CACHD1: variants seen among roughly 807,000 people sequenced by gnomAD.
The protein encoded by CACHD1 is cache domain containing 1.
A neutral mutation model predicts 138.7 loss-of-function variants in CACHD1; 71 were observed. That is an observed-to-expected ratio of 0.51 (90% CI 0.42 to 0.62). CACHD1 has a LOEUF of 0.62. CACHD1 is among the 20% of genes least tolerant of loss of function. The probability of loss-of-function intolerance (pLI) is 0.00; values close to 1 mark genes in which losing one functional copy is unlikely to be tolerated. For missense variants in CACHD1, 1,389 were observed against 1,625.3 expected (o/e 0.85, Z 2.50); for synonymous variants, 578 against 591.5 (o/e 0.98, Z 0.33).
intron 1 of CACHD1, among the ~76,000 whole-genome samples, chr1:64,504,138 C>T (rs2100329512): frequency 1.3e-5 from 2 of 152,268 alleles, no homozygotes; most frequent in South Asian, 4.2e-4. Context: ...TAGCGATCCT[C>T]CCACCTCAGG....
chr1:64,501,668 G>C (rs1433612232), intron 1 of CACHD1, among the ~76,000 whole-genome samples: 1 of 152,174 alleles, frequency 6.6e-6, no homozygotes, highest in Non-Finnish European at 1.5e-5. Context: ...ACCATAGTAA[G>C]TGTAATACAA....
intron 1 of CACHD1, among the ~76,000 whole-genome samples, chr1:64,486,553 G>A (rs1002700533): frequency 9.9e-5 from 15 of 152,138 alleles, no homozygotes; most frequent in Non-Finnish European, 1.5e-4. Context: ...TGACATCCAG[G>A]ATTAGAAATA....
chr1:64,664,721 A>G, intron 15 of CACHD1, 42 bp downstream of exon 15: 1 of 1,581,946 alleles, frequency 6.3e-7, no homozygotes, highest in Non-Finnish European at 8.7e-7. Flanking sequence ...TCTCCCCCAA[A>G]TCCTGGAGAG....
intron 22 of CACHD1, 100 bp downstream of exon 22, chr1:64,677,111 C>G: frequency 1.1e-6 from 1 of 923,948 alleles, no homozygotes; most frequent in South Asian, 1.6e-5. Flanking sequence ...AGATCTGAAA[C>G]TGATTTCCAT....
chr1:64,538,878 G>A (rs1429962663), intron 1 of CACHD1, among the ~76,000 whole-genome samples: 2 of 152,212 alleles, frequency 1.3e-5, no homozygotes, highest in African/African-American at 4.8e-5. Flanking sequence ...CATTGCAACT[G>A]TGTTTTAAAC....
intron 1 of CACHD1, among the ~76,000 whole-genome samples, chr1:64,537,513 G>A (rs934136275): frequency 2.6e-5 from 4 of 152,096 alleles, no homozygotes; most frequent in African/African-American, 9.7e-5. Flanking sequence ...GTTGAGACTG[G>A]GAGCGGAGCT....
At chr1:64,604,892 C>T (rs1486064989) in intron 4 of CACHD1, among the ~76,000 whole-genome samples, 1 of 150,672 alleles carries the variant, frequency 6.6e-6, no homozygotes, top group Admixed American at 6.6e-5. Flanking sequence ...ACCTTGTGGT[C>T]TACCCGCCTC....
intron 1 of CACHD1, among the ~76,000 whole-genome samples, chr1:64,544,847 A>G (rs1488595781): frequency 1.3e-5 from 2 of 152,186 alleles, no homozygotes; most frequent in Admixed American, 1.3e-4. Context: ...GAAACTCAGT[A>G]AAGATACCCC....
intron 15 of CACHD1, among the ~76,000 whole-genome samples, chr1:64,665,459 AAAAAC>A (rs984815100): frequency 6.6e-6 from 1 of 151,180 alleles, no homozygotes; most frequent in Non-Finnish European, 1.5e-5. Context: ...GACCCTGTCA[AAAAAC>A]AAAACAAAAA....
chr1:64,658,648 C>G (rs1649340668), intron 12 of CACHD1, 57 bp from the exon 13 acceptor site: 1 of 1,364,176 alleles, frequency 7.3e-7, no homozygotes, highest in East Asian at 2.4e-5. Flanking sequence ...ATGCAAAGTC[C>G]CTGTCCCCAT....
At position 64,679,659 on chromosome 1, in the gene CACHD1, C is replaced by T; in HGVS notation, c.3309C>T (p.Ile1103=). The T allele has an allele frequency of 4.3e-6, 7 of 1,614,198 alleles. No homozygotes were observed. Among genetic ancestry groups the T allele is most frequent in the Non-Finnish European group, 5.9e-6 (7 of 1,180,026 alleles). The change falls in exon 24 of 27, where the codon ATC becomes ATT. Residue 1103 remains isoleucine (I), a synonymous_variant. Transcript: ENST00000651257. ...CTGTGGGTCCTGTGGCTGGAGGGAT[C>T]ATGGGATGCATCATGGTCTTGGTCC... ...SAPVGPVAGG[I]MGCIMVLVLA... is the part of the protein sequence containing the mutation.
At chr1:64,530,094 G>A (rs1394960568) in intron 1 of CACHD1, among the ~76,000 whole-genome samples, 4 of 152,184 alleles carry the variant, frequency 2.6e-5, no homozygotes, top group Admixed American at 2.6e-4. Context: ...TTCATGGTCA[G>A]GATTTAATAA....
rs556342007 is a variant in CACHD1 at position 64,601,583 on chromosome 1, G to A, written c.411-1223G>A. Among the ~76,000 whole-genome samples the A allele has an allele frequency of 4.6e-5, 7 of 152,344 alleles. No homozygotes were observed. The East Asian group carries it at 1.3e-3, about 29-fold the overall frequency. On this transcript the variant is annotated intron_variant, in intron 3 of 26. Transcript: ENST00000651257. Reference sequence around the variant, plus strand: ...ATGAAATAAAGCAAGACTGTTTTTAGCTTTTGCTGTTGAAACCAACATACC... The same window carrying A: ...ATGAAATAAAGCAAGACTGTTTTTAACTTTTGCTGTTGAAACCAACATACC...
chr1:64,671,932 A>C (rs1276450697), intron 17 of CACHD1, among the ~76,000 whole-genome samples: 1 of 152,218 alleles, frequency 6.6e-6, no homozygotes, highest in African/African-American at 2.4e-5. Context: ...GAATGCACCA[A>C]AAGCTCTTGT....
chr1:64,666,012 A>G (rs771201280), intron 15 of CACHD1, 45 bp from the exon 16 acceptor site: 2 of 1,213,776 alleles, frequency 1.6e-6, no homozygotes, highest in East Asian at 2.4e-5. Flanking sequence ...CTCAAAAAAA[A>G]TAAATAAAAA....
intron 1 of CACHD1, among the ~76,000 whole-genome samples, chr1:64,485,943 A>G (rs1050648216): frequency 3.9e-5 from 6 of 152,138 alleles, no homozygotes; most frequent in Non-Finnish European, 7.4e-5. Context: ...CTGCCAGTCT[A>G]TTTTCCAAAG....
In CACHD1 at chr1:64,652,248, T is replaced by C; in HGVS notation, c.1478T>C (p.Leu493Pro). Residue 493 changes from leucine (L) to proline (P), a missense_variant, in exon 10 of 27, where the codon CTT (leucine) becomes CCT (proline). Transcript: ENST00000651257. The stretch of plus-strand genomic sequence containing the variant: ...GTGGACGTGAATCTGGCTTACATTC[T>C]TGAAGACGTGACGTATTACCAAGAC... ...VGVDVNLAYI[L>P]EDVTYYQDSL... 1 of 1,613,876 alleles carries C rather than the reference T, an allele frequency of 6.2e-7. No homozygotes were observed. The highest frequency in any genetic ancestry group is 8.5e-7 in the Non-Finnish European group (1 of 1,179,840).
chr1:64,647,134 C>T (rs1218186842), intron 8 of CACHD1, among the ~76,000 whole-genome samples: 1 of 131,486 alleles, frequency 7.6e-6, no homozygotes. Context: ...AATAATACAT[C>T]CCAGTATGCC....
chr1:64,527,158 G>A (rs532119646), intron 1 of CACHD1, among the ~76,000 whole-genome samples: 176 of 152,308 alleles, frequency 1.2e-3, no homozygotes, highest in Non-Finnish European at 2.2e-3. Context: ...ATGGATGAGT[G>A]CAAGTGCAGG....
Sources: allele counts gnomAD v4.1 joint callset (sites outside exome capture counted in the v4.1 genomes callset), GRCh38; gene constraint gnomAD v4.1.1; transcripts MANE v1.5; gene names NCBI Gene and HGNC (gene_info 2026-07-23, HGNC 2026-07-21).